PGR: variants seen among roughly 807,000 people sequenced by gnomAD.
The protein encoded by PGR is nuclear receptor subfamily 3 group C member 3.
A neutral mutation model predicts 76.1 loss-of-function variants in PGR; 25 were observed. The observed-to-expected ratio is 0.33, with a 90% confidence interval of 0.24 to 0.46. The LOEUF is 0.46. Among genes scored for constraint, PGR ranks in the 20% least tolerant of loss-of-function variants. The pLI is 1.00. For synonymous variants in PGR, 579 were observed against 535.0 expected (o/e 1.08, Z -1.14); for missense variants, 1,172 against 1,225.3 (o/e 0.96, Z 0.65).
chr11:101,124,084 T>C (rs772966161), intron 2 of PGR, among the ~76,000 whole-genome samples: 2 of 152,200 alleles, frequency 1.3e-5, no homozygotes, highest in Non-Finnish European at 2.9e-5. Context: ...ACTAATGTAG[T>C]TCATAATCTT....
At chr11:101,080,389 G>A (rs1376432204) in intron 3 of PGR, among the ~76,000 whole-genome samples, 1 of 151,380 alleles carries the variant, frequency 6.6e-6, no homozygotes, top group Non-Finnish European at 1.5e-5. Flanking sequence ...ATTCTTTAGA[G>A]GCACAAGCCC....
intron 4 of PGR, among the ~76,000 whole-genome samples, chr11:101,058,401 G>GA (rs779667864): frequency 6.5e-4 from 99 of 152,040 alleles, no homozygotes; most frequent in Non-Finnish European, 1.2e-3. Flanking sequence ...GGAAGGAAGA[G>GA]AAAAAATCCT....
intron 2 of PGR, among the ~76,000 whole-genome samples, chr11:101,122,086 C>T (rs940973513): frequency 1.3e-4 from 18 of 136,798 alleles, no homozygotes; most frequent in Non-Finnish European, 2.5e-4. Flanking sequence ...ACCCGGGAGG[C>T]GGAGCTTGCA....
chr11:101,039,805 A>G (rs1229841885), intron 7 of PGR, among the ~76,000 whole-genome samples: 3 of 152,048 alleles, frequency 2.0e-5, no homozygotes, highest in Non-Finnish European at 2.9e-5. Flanking sequence ...AATAGAGCCT[A>G]GCAGTTTCCT....
chr11:101,044,771 A>G (rs1006451343), intron 6 of PGR, among the ~76,000 whole-genome samples: 4 of 143,086 alleles, frequency 2.8e-5, no homozygotes, highest in Non-Finnish European at 6.0e-5. Context: ...CAGTGGCACA[A>G]TCTCAGGTCA....
chr11:101,046,865 A>C (rs192837991), intron 6 of PGR, among the ~76,000 whole-genome samples: 4 of 152,224 alleles, frequency 2.6e-5, no homozygotes, highest in Admixed American at 6.5e-5. Context: ...AGTTCAGTAT[A>C]TCTCTTCTCC....
intron 4 of PGR, among the ~76,000 whole-genome samples, chr11:101,057,516 T>C (rs1337041686): frequency 1.3e-5 from 2 of 152,146 alleles, no homozygotes; most frequent in Non-Finnish European, 2.9e-5. Context: ...AAAATTGTTT[T>C]AGAAAAATGA....
chr11:101,088,337 AT>A (rs949734200), intron 3 of PGR, among the ~76,000 whole-genome samples: 59 of 151,622 alleles, frequency 3.9e-4, no homozygotes, highest in African/African-American at 1.2e-3. Context: ...CTCAAAAGAC[AT>A]TTTTTTTTCT....
chr11:101,045,457 C>G (rs1030739054), intron 6 of PGR, among the ~76,000 whole-genome samples: 1 of 152,092 alleles, frequency 6.6e-6, no homozygotes, highest in Non-Finnish European at 1.5e-5. Context: ...CCCCTCCTAC[C>G]TTTCCAGCCT....
intron 2 of PGR, among the ~76,000 whole-genome samples, chr11:101,093,498 T>C (rs986279350): frequency 2.8e-4 from 43 of 152,204 alleles, no homozygotes; most frequent in African/African-American, 9.4e-4. Context: ...TTCGCTCTTG[T>C]TGCCCAGCCT....
chr11:101,035,963 G>A lies in PGR; in HGVS notation c.*3153C>T, dbSNP rs186469952. The stretch of plus-strand genomic sequence containing the variant: ...TTACTATTTCTGAAGGCCTGTATAC[G>A]TTTTTTTTGGTTTCCATTTCTATTC... On this transcript the variant is annotated 3_prime_UTR_variant, in exon 8 of 8. Coordinates refer to ENST00000325455, the MANE Select transcript of PGR (RefSeq NM_000926.4). The A allele has an allele frequency of 2.2e-5, 5 of 225,308 alleles. No individual in the cohort carries two copies. The highest frequency in any genetic ancestry group is 4.4e-5 in the Non-Finnish European group (5 of 113,270). The allele number at this position is 225,308 out of a possible 1,614,324, so 14.0% of individuals were successfully genotyped here.
chr11:101,127,829 G>C lies in PGR; in HGVS notation c.1242C>G (p.Phe414Leu). ...YLVAGANPAA[F>L]PDFPLGPPPP... Reference sequence around the variant, plus strand: ...GCGGTGGCCCCAACGGGAAATCCGGGAAGGCTGCGGGGTTGGCACCGGCCA... The same window carrying C: ...GCGGTGGCCCCAACGGGAAATCCGGCAAGGCTGCGGGGTTGGCACCGGCCA... Residue 414 changes from phenylalanine (F) to leucine (L), a missense_variant, in exon 1 of 8, where the codon TTC (phenylalanine) becomes TTG (leucine). Phe to Leu is a conservative substitution (Grantham distance 22). This residue lies in a region of PGR where 893 missense variants were observed against 785.9 expected (regional missense o/e 1.14). Coordinates refer to ENST00000325455, the MANE Select transcript of PGR (RefSeq NM_000926.4). The C allele has an allele frequency of 6.3e-7, 1 of 1,579,290 alleles. No individual in the cohort carries two copies. The highest frequency in any genetic ancestry group is 2.3e-5 in the East Asian group (1 of 43,710).
chr11:101,056,787 G>A (rs1487616098), intron 4 of PGR, among the ~76,000 whole-genome samples: 1 of 152,058 alleles, frequency 6.6e-6, no homozygotes, highest in African/African-American at 2.4e-5. Context: ...CAATGGCAGA[G>A]CATTAAATAT....
intron 3 of PGR, among the ~76,000 whole-genome samples, chr11:101,078,371 T>G (rs879609907): frequency 6.6e-6 from 1 of 152,226 alleles, no homozygotes; most frequent in Admixed American, 6.5e-5. Flanking sequence ...TTCTTTTATG[T>G]AGAAAGCGAC....
intron 3 of PGR, among the ~76,000 whole-genome samples, chr11:101,072,496 A>G (rs1400590319): frequency 6.6e-6 from 1 of 152,246 alleles, no homozygotes; most frequent in Non-Finnish European, 1.5e-5. Context: ...TTAAATGTAA[A>G]TGGGCTAAAT....
At chr11:101,045,910 A>G (rs1432931024) in intron 6 of PGR, among the ~76,000 whole-genome samples, 2 of 151,934 alleles carry the variant, frequency 1.3e-5, no homozygotes, top group African/African-American at 4.8e-5. Flanking sequence ...GTTTTTTGAG[A>G]AATCTCCATA....
At position 101,045,137 on chromosome 11, in the gene PGR, T is replaced by C. The variant is rs12223699; in HGVS notation, c.2489-3035A>G. ...TTCCCCTAGAAAAGAAGGCCAGAGA[T>C]ACAAACTTATGAAAAACAAATAAGT... is the stretch of plus-strand genomic sequence containing the variant. On this transcript the variant is annotated intron_variant, in intron 6 of 7. Transcript: ENST00000325455. 2.9e-3 allele frequency among the ~76,000 whole-genome samples: 437 copies of C among 152,304 alleles called. 19 individuals carry two copies. In the East Asian group the frequency reaches 0.077, roughly 27 times the overall value.
In PGR at chr11:101,036,079, G is replaced by T. The variant is rs118017452; in HGVS notation, c.*3037C>A. On this transcript the variant is annotated 3_prime_UTR_variant, in exon 8 of 8. Coordinates refer to ENST00000325455, the MANE Select transcript of PGR (RefSeq NM_000926.4). Reference sequence around the variant, plus strand: ...AGCTAGTAAGTGGCAGAGAAGGGGGGCACAGTCCTATGTCAGTTATCTCCA... The same window carrying T: ...AGCTAGTAAGTGGCAGAGAAGGGGGTCACAGTCCTATGTCAGTTATCTCCA... The T allele has an allele frequency of 2.2e-3, 473 of 219,998 alleles. 9 individuals carry two copies. In the East Asian group the frequency reaches 0.03, roughly 14 times the overall value. The allele number at this position is 219,998 out of a possible 1,614,324, so 13.6% of individuals were successfully genotyped here.
At chr11:101,056,927 T>C (rs1860317234) in intron 4 of PGR, among the ~76,000 whole-genome samples, 1 of 152,204 alleles carries the variant, frequency 6.6e-6, no homozygotes, top group Non-Finnish European at 1.5e-5. Context: ...AATAAGAAGT[T>C]AATGTCTAAT....
Sources: allele counts gnomAD v4.1 joint callset (sites outside exome capture counted in the v4.1 genomes callset), GRCh38; gene constraint gnomAD v4.1.1; regional missense constraint gnomAD v4.1.1; transcripts MANE v1.5; gene names NCBI Gene and HGNC (gene_info 2026-07-23, HGNC 2026-07-21).